The following GRID2 variants were observed in gnomAD, a reference collection of about 807,000 sequenced individuals.
GRID2 encodes glutamate ionotropic receptor delta type subunit 2, also known as glutamate receptor ionotropic, delta-2.
In GRID2, 33 loss-of-function variants were observed where a neutral mutation model predicts 114.8. The observed-to-expected ratio is 0.29, with a 90% CI of 0.22 to 0.38. The LOEUF (loss-of-function observed/expected upper bound fraction) is 0.38, where lower values mean the gene tolerates loss of function less well. Ranked by LOEUF, GRID2 falls within the 10% of genes least tolerant of loss-of-function variation. The pLI is 1.00. For missense variants in GRID2, 1,184 were observed against 1,257.7 expected (o/e 0.94, Z 0.89); for synonymous variants, 505 against 449.9 (o/e 1.12, Z -1.55).
chr4:92,319,158 G>C (rs540554065), intron 1 of GRID2, among the ~76,000 whole-genome samples: 1 of 152,002 alleles, frequency 6.6e-6, no homozygotes, highest in Admixed American at 6.6e-5. Flanking sequence ...TGTATCCTTA[G>C]AGATACTTAC....
chr4:93,735,192 T>C (rs145023928), intron 14 of GRID2, among the ~76,000 whole-genome samples: 1 of 152,050 alleles, frequency 6.6e-6, no homozygotes, highest in East Asian at 1.9e-4. Flanking sequence ...AATGTTGTTC[T>C]ATAACTAAAC....
At chr4:92,541,473 C>G (rs1725947447) in intron 1 of GRID2, among the ~76,000 whole-genome samples, 1 of 147,008 alleles carries the variant, frequency 6.8e-6, no homozygotes, top group African/African-American at 2.4e-5. Context: ...TTAATCTTAT[C>G]TCAATTTTCC....
At chr4:93,524,781 ATGTG>A (rs869150662) in intron 13 of GRID2, among the ~76,000 whole-genome samples, 11 of 88,896 alleles carry the variant, frequency 1.2e-4, no homozygotes, top group African/African-American at 3.4e-4. Context: ...ATATGTATGT[ATGTG>A]TATATATATA....
chr4:93,461,538 A>G (rs1230194047), intron 11 of GRID2, among the ~76,000 whole-genome samples: 2 of 152,086 alleles, frequency 1.3e-5, no homozygotes, highest in Non-Finnish European at 2.9e-5. Context: ...ACAGATTTCT[A>G]AAAAAAGAGT....
chr4:93,129,527 G>A (rs771019677), intron 4 of GRID2, among the ~76,000 whole-genome samples: 5 of 151,942 alleles, frequency 3.3e-5, no homozygotes, highest in Non-Finnish European at 5.9e-5. Context: ...GTGCTACTAG[G>A]GGAAAATTCA....
chr4:92,748,724 T>C (rs781701636), intron 2 of GRID2, among the ~76,000 whole-genome samples: 7 of 149,406 alleles, frequency 4.7e-5, no homozygotes, highest in Non-Finnish European at 1.0e-4. Context: ...TGCAGTGGTG[T>C]GATCTCACCT....
intron 2 of GRID2, among the ~76,000 whole-genome samples, chr4:92,613,753 G>T (rs1477730301): frequency 6.6e-6 from 1 of 151,240 alleles, no homozygotes; most frequent in Non-Finnish European, 1.5e-5. Context: ...TTGGCAATCT[G>T]TACCTTCTTT....
chr4:92,810,883 C>G (rs552119187), intron 2 of GRID2, among the ~76,000 whole-genome samples: 33 of 152,220 alleles, frequency 2.2e-4, no homozygotes, highest in Non-Finnish European at 4.1e-4. Flanking sequence ...CCTCCGCCTC[C>G]CGGGTTCAAG....
intron 1 of GRID2, among the ~76,000 whole-genome samples, chr4:92,321,637 G>C (rs952904153): frequency 6.6e-5 from 10 of 152,154 alleles, no homozygotes; most frequent in African/African-American, 2.4e-4. Context: ...CCAATGGGAA[G>C]GAAGGGTCTC....
chr4:92,737,447 C>T (rs1473533463), intron 2 of GRID2, among the ~76,000 whole-genome samples: 3 of 152,040 alleles, frequency 2.0e-5, no homozygotes, highest in African/African-American at 4.8e-5. Context: ...TAAGAATACT[C>T]ATTTATAGAG....
rs180677576 is a variant in GRID2 at position 93,197,449 on chromosome 4, T to A, written c.736-9955T>A. 1.8e-4 allele frequency among the ~76,000 whole-genome samples: 27 copies of A among 152,284 alleles called. 2 individuals carry two copies. Among genetic ancestry groups the A allele is most frequent in the Admixed American group, 1.7e-3 (26 of 15,292 alleles). The stretch of plus-strand genomic sequence containing the variant: ...AATTAAATGAGTTATTATCTACGTG[T>A]GTGTGTGTATATAAAAACACATAGT... On this transcript the variant is annotated intron_variant, in intron 4 of 15. Coordinates refer to ENST00000282020, the MANE Select transcript of GRID2 (RefSeq NM_001510.4).
chr4:93,614,459 A>G (rs551426673), intron 13 of GRID2, among the ~76,000 whole-genome samples: 41 of 152,216 alleles, frequency 2.7e-4, no homozygotes, highest in Admixed American at 9.8e-4. Flanking sequence ...ACACAAATGC[A>G]TCAGATCAAA....
At chr4:92,368,015 C>A (rs1280044265) in intron 1 of GRID2, among the ~76,000 whole-genome samples, 7 of 151,870 alleles carry the variant, frequency 4.6e-5, no homozygotes, top group Non-Finnish European at 1.0e-4. Context: ...GAGAAAGAAG[C>A]GATAGTAGCC....
intron 12 of GRID2, among the ~76,000 whole-genome samples, chr4:93,493,687 C>A (rs1727248434): frequency 6.6e-6 from 1 of 151,598 alleles, no homozygotes; most frequent in Non-Finnish European, 1.5e-5. Context: ...TTTATCTAGA[C>A]TTTCATGCAA....
At chr4:93,140,716 CTAA>C (rs1196192964) in intron 4 of GRID2, among the ~76,000 whole-genome samples, 1 of 152,186 alleles carries the variant, frequency 6.6e-6, no homozygotes, top group African/African-American at 2.4e-5. Context: ...TTCTCTGATA[CTAA>C]CTTTGTAGCA....
At chr4:92,956,729 T>C (rs1417273457) in intron 2 of GRID2, among the ~76,000 whole-genome samples, 1 of 152,192 alleles carries the variant, frequency 6.6e-6, no homozygotes, top group African/African-American at 2.4e-5. Flanking sequence ...TCTAAGAAGC[T>C]GCCTGTTTTT....
At chr4:93,357,876 A>G (rs1162734601) in intron 8 of GRID2, among the ~76,000 whole-genome samples, 1 of 151,660 alleles carries the variant, frequency 6.6e-6, no homozygotes, top group Non-Finnish European at 1.5e-5. Context: ...TGCTATATAT[A>G]TTTTGTTTTA....
At chr4:93,407,790 C>CTCCTCCTCCTCCTCCTCA in intron 9 of GRID2, among the ~76,000 whole-genome samples, 1 of 84,492 alleles carries the variant, frequency 1.2e-5, no homozygotes, top group African/African-American at 9.3e-5. Context: ...CCTCCTCGTC[C>CTCCTCCTCCTCCTCCTCA]TCCTCCTCGT....
intron 9 of GRID2, among the ~76,000 whole-genome samples, chr4:93,418,622 T>A (rs769154916): frequency 1.3e-5 from 2 of 152,062 alleles, no homozygotes; most frequent in Non-Finnish European, 2.9e-5. Context: ...GAAGAATTAT[T>A]ATGTTGGTGC....
Sources: gnomAD v4.1 joint callset for allele counts (sites outside exome capture counted in the v4.1 genomes callset) on GRCh38, gnomAD v4.1.1 for gene constraint, MANE v1.5 for transcripts, NCBI Gene and HGNC (gene_info 2026-07-23, HGNC 2026-07-21) for gene names.